The following ARHGEF7 variants were observed in gnomAD, a reference collection of about 807,000 sequenced individuals.
The protein encoded by ARHGEF7 is PAK-interacting exchange factor beta.
In ARHGEF7, 33 loss-of-function variants were observed where a neutral mutation model predicts 109.8. The observed-to-expected ratio is 0.30, with a 90% CI of 0.23 to 0.40. ARHGEF7 has a LOEUF of 0.40. Among genes scored for constraint, ARHGEF7 ranks in the 10% least tolerant of loss-of-function variants. ARHGEF7 has a pLI of 1.00. For synonymous variants in ARHGEF7, 458 were observed against 424.6 expected (o/e 1.08, Z -0.97); for missense variants, 938 against 1,098.5 (o/e 0.85, Z 2.07).
intron 2 of ARHGEF7, among the ~76,000 whole-genome samples, chr13:111,177,550 C>G (rs1253079669): frequency 6.6e-6 from 1 of 152,092 alleles, no homozygotes; most frequent in Non-Finnish European, 1.5e-5. Context: ...ATCCCTGAGC[C>G]GTGTTGGTGA....
At chr13:111,242,225 C>T (rs994795503) in intron 6 of ARHGEF7, among the ~76,000 whole-genome samples, 6 of 151,936 alleles carry the variant, frequency 3.9e-5, no homozygotes, top group Non-Finnish European at 7.4e-5. Flanking sequence ...TGTTTTTTTT[C>T]GCCCAAGTAG....
At chr13:111,259,337 C>T (rs763328163) in intron 8 of ARHGEF7, among the ~76,000 whole-genome samples, 1 of 152,206 alleles carries the variant, frequency 6.6e-6, no homozygotes, top group Non-Finnish European at 1.5e-5. Flanking sequence ...GTGGTGACTA[C>T]AGGGGTATTG....
At chr13:111,186,199 G>A (rs1017424832) in intron 2 of ARHGEF7, among the ~76,000 whole-genome samples, 1 of 152,046 alleles carries the variant, frequency 6.6e-6, no homozygotes, top group Non-Finnish European at 1.5e-5. Flanking sequence ...TTGTTGGGAA[G>A]AGCCCTGCCT....
At chr13:111,160,933 G>A (rs945346500) in intron 2 of ARHGEF7, among the ~76,000 whole-genome samples, 5 of 152,136 alleles carry the variant, frequency 3.3e-5, no homozygotes, top group Non-Finnish European at 7.3e-5. Flanking sequence ...ACCCAGTCTT[G>A]GGTATGTCTT....
chr13:111,173,103 T>A (rs2077751630), intron 2 of ARHGEF7, among the ~76,000 whole-genome samples: 1 of 152,258 alleles, frequency 6.6e-6, no homozygotes, highest in Admixed American at 6.5e-5. Flanking sequence ...CAGCATTTTT[T>A]AATGCCATTT....
chr13:111,213,508 C>T (rs1442912887), intron 4 of ARHGEF7, among the ~76,000 whole-genome samples: 1 of 152,204 alleles, frequency 6.6e-6, no homozygotes, highest in Non-Finnish European at 1.5e-5. Flanking sequence ...ATGGAGCTTG[C>T]GTTCCCCAAG....
At chr13:111,188,485 G>T (rs1362084990) in intron 2 of ARHGEF7, among the ~76,000 whole-genome samples, 1 of 152,196 alleles carries the variant, frequency 6.6e-6, no homozygotes, top group Non-Finnish European at 1.5e-5. Context: ...TCCTTTCCCT[G>T]CCTGCCTTCC....
intron 5 of ARHGEF7, among the ~76,000 whole-genome samples, chr13:111,218,512 A>G (rs1226510711): frequency 1.3e-5 from 2 of 152,152 alleles, no homozygotes; most frequent in Non-Finnish European, 2.9e-5. Context: ...GGGAACAATC[A>G]TGTGTGTCAC....
intron 19 of ARHGEF7, chr13:111,293,831 A>T: frequency 1.0e-6 from 1 of 985,340 alleles, no homozygotes; most frequent in Non-Finnish European, 1.2e-6. Context: ...GTTTGTGCAG[A>T]GTGAACTCTG....
intron 2 of ARHGEF7, among the ~76,000 whole-genome samples, chr13:111,155,717 A>G (rs185954006): frequency 6.6e-6 from 1 of 152,338 alleles, no homozygotes; most frequent in African/African-American, 2.4e-5. Context: ...CATACTTTTG[A>G]AACTCAATTG....
At chr13:111,153,737 G>T in intron 1 of ARHGEF7, 168 bp from the exon 2 acceptor site, 1 of 1,337,134 alleles carries the variant, frequency 7.5e-7, no homozygotes, top group Non-Finnish European at 9.5e-7. Context: ...GAGAAGCAGC[G>T]GCTGAGCGGG....
chr13:111,233,363 G>A (rs1005748754), intron 6 of ARHGEF7, 70 bp downstream of exon 6: 12 of 1,150,608 alleles, frequency 1.0e-5, no homozygotes, highest in Middle Eastern at 1.9e-4. Context: ...AATGTAGAAT[G>A]TAGTGTAAAG....
At chr13:111,127,584 C>T (rs2067653613) in intron 1 of ARHGEF7, among the ~76,000 whole-genome samples, 1 of 138,652 alleles carries the variant, frequency 7.2e-6, no homozygotes, top group South Asian at 2.4e-4. Context: ...GAGGTTGAGG[C>T]TGCAGCGAGC....
intron 15 of ARHGEF7, chr13:111,280,924 G>T: frequency 2.9e-6 from 1 of 342,326 alleles, no homozygotes; most frequent in Non-Finnish European, 5.2e-6. Context: ...GTGCTTGGGT[G>T]GGAAGCTGCT....
chr13:111,123,046 AC>A (rs2067301217), intron 1 of ARHGEF7, among the ~76,000 whole-genome samples: 2 of 152,156 alleles, frequency 1.3e-5, no homozygotes, highest in Admixed American at 1.3e-4. Context: ...CAATTCTCCA[AC>A]CCTCCCATGC....
intron 4 of ARHGEF7, among the ~76,000 whole-genome samples, chr13:111,213,740 C>T (rs2082774890): frequency 6.6e-6 from 1 of 152,010 alleles, no homozygotes; most frequent in African/African-American, 2.4e-5. Context: ...GGAAAAAAAC[C>T]CCACAATGAT....
intron 17 of ARHGEF7, among the ~76,000 whole-genome samples, chr13:111,286,578 C>G (rs796104413): frequency 1.6e-4 from 24 of 152,298 alleles, no homozygotes; most frequent in African/African-American, 5.3e-4. Context: ...TCCTGAAGTG[C>G]CAGCATCTCC....
chr13:111,230,211 G>C (rs2085846401), intron 5 of ARHGEF7, among the ~76,000 whole-genome samples: 2 of 152,098 alleles, frequency 1.3e-5, no homozygotes, highest in African/African-American at 4.8e-5. Context: ...TCAGCCCTTG[G>C]AAAGGTAGCA....
chr13:111,167,215 A>G (rs1407855937), intron 2 of ARHGEF7, among the ~76,000 whole-genome samples: 2 of 152,204 alleles, frequency 1.3e-5, no homozygotes, highest in Non-Finnish European at 2.9e-5. Flanking sequence ...ATATAGCGTG[A>G]AAGTTGGCAA....
Sources: allele counts gnomAD v4.1 joint callset (sites outside exome capture counted in the v4.1 genomes callset), GRCh38; gene constraint gnomAD v4.1.1; transcripts MANE v1.5; gene names NCBI Gene and HGNC (gene_info 2026-07-23, HGNC 2026-07-21).